The following RNF144A variants were observed in gnomAD, a reference collection of about 807,000 sequenced individuals.
The protein encoded by RNF144A is ring finger protein 144A, also known as E3 ubiquitin-protein ligase RNF144A.
A neutral mutation model predicts 38.7 loss-of-function variants in RNF144A; 11 were observed. The observed-to-expected ratio is 0.28, with a 90% CI of 0.18 to 0.47. The LOEUF (loss-of-function observed/expected upper bound fraction) is 0.47, where lower values mean the gene tolerates loss of function less well. Ranked by LOEUF, RNF144A falls within the 20% of genes least tolerant of loss-of-function variation. The pLI, the probability that RNF144A is intolerant of heterozygous loss-of-function variation, is 0.99. For missense variants in RNF144A, 316 were observed against 377.2 expected (o/e 0.84, Z 1.34); for synonymous variants, 149 against 143.9 (o/e 1.04, Z -0.25).
intron 2 of RNF144A, among the ~76,000 whole-genome samples, chr2:6,996,082 G>T (rs1669718689): frequency 6.6e-6 from 1 of 152,136 alleles, no homozygotes; most frequent in Non-Finnish European, 1.5e-5. Flanking sequence ...CCTCCATGTG[G>T]TCCTTGTGCC....
intron 8 of RNF144A, among the ~76,000 whole-genome samples, chr2:7,037,832 GA>G (rs1275098094): frequency 6.6e-6 from 1 of 152,188 alleles, no homozygotes; most frequent in Non-Finnish European, 1.5e-5. Flanking sequence ...TTATAGATGA[GA>G]AAACAGACCC....
chr2:6,974,118 G>T (rs547954233), intron 2 of RNF144A, among the ~76,000 whole-genome samples: 1 of 152,244 alleles, frequency 6.6e-6, no homozygotes, highest in South Asian at 2.1e-4. Flanking sequence ...CACCTAGTTC[G>T]CAGCCTGTAA....
chr2:7,014,361 A>G, intron 3 of RNF144A, 93 bp from the exon 4 acceptor site: 1 of 844,986 alleles, frequency 1.2e-6, no homozygotes, highest in Non-Finnish European at 2.0e-6. Context: ...CTGTAATGGA[A>G]TGATGTGCCT....
At chr2:6,947,258 A>G (rs912812423) in intron 2 of RNF144A, among the ~76,000 whole-genome samples, 2 of 152,054 alleles carry the variant, frequency 1.3e-5, no homozygotes, top group Non-Finnish European at 1.5e-5. Context: ...ACATTAATTT[A>G]TATTTATCTT....
rs138893940 is a variant in RNF144A at position 6,959,012 on chromosome 2, A to C, written c.-12+17865A>C. On this transcript the variant is annotated intron_variant, in intron 2 of 8. Transcript: ENST00000320892. The stretch of plus-strand genomic sequence containing the variant: ...CTCTCCGGGGCTTGCTCCCCTGATC[A>C]CTCTCTTACTGCCCTCAGAGCACAG... 2.7e-3 allele frequency among the ~76,000 whole-genome samples: 416 copies of C among 152,070 alleles called. 1 individual carries two copies. The highest frequency in any genetic ancestry group is 4.4e-3 in the Non-Finnish European group (302 of 67,964).
At chr2:6,990,285 C>T (rs1669246148) in intron 2 of RNF144A, among the ~76,000 whole-genome samples, 1 of 151,776 alleles carries the variant, frequency 6.6e-6, no homozygotes, top group South Asian at 2.1e-4. Flanking sequence ...CTCTCTCGTC[C>T]TCTTCTTGTA....
At chr2:7,074,972 A>T in the RNF144A span, among the ~76,000 whole-genome samples, 2 of 152,126 alleles carry the variant, frequency 1.3e-5, no homozygotes, top group African/African-American at 4.8e-5. Flanking sequence ...TAAGTGTAAG[A>T]ATTATTAGTA....
At chr2:7,044,183 C>T (rs542726994), downstream of RNF144A, 6 of 985,492 alleles carry the variant, frequency 6.1e-6, no homozygotes, top group East Asian at 1.1e-4. Flanking sequence ...TTGTAAACCC[C>T]GCGTGGCTCC....
chr2:7,043,215 A>G lies in RNF144A; in HGVS notation c.*3455A>G. The stretch of plus-strand genomic sequence containing the variant: ...TGATCTTGACAACATATTATTCCAT[A>G]AAACCAGTTTAGGGCACAGGCCAGT... On this transcript the variant is annotated 3_prime_UTR_variant, in exon 9 of 9. Transcript: ENST00000320892. 1 of 985,418 alleles carries G rather than the reference A, an allele frequency of 1.0e-6. No individual in the cohort carries two copies. The highest frequency in any genetic ancestry group is 1.1e-4 in the East Asian group (1 of 8,818). 61.0% of individuals were successfully genotyped at this position (985,418 alleles called of 1,614,324 possible).
At chr2:7,038,629 AAAG>A (rs1672833467) in intron 8 of RNF144A, among the ~76,000 whole-genome samples, 1 of 152,156 alleles carries the variant, frequency 6.6e-6, no homozygotes, top group Non-Finnish European at 1.5e-5. Context: ...AAGAGGTGGA[AAAG>A]AAGAATGAGG....
At position 7,034,286 on chromosome 2, in the gene RNF144A, A is replaced by G. The variant is rs560895378; in HGVS notation, c.747+4071A>G. On this transcript the variant is annotated intron_variant, in intron 8 of 8. Coordinates refer to ENST00000320892, the MANE Select transcript of RNF144A (RefSeq NM_014746.6). Reference sequence around the variant, plus strand: ...GACTCTGTCTCAAAAAAAAAAAAAAAGTTCACAAAAGTGCGGTGAGACTTG... The same window carrying G: ...GACTCTGTCTCAAAAAAAAAAAAAAGGTTCACAAAAGTGCGGTGAGACTTG... Among the ~76,000 whole-genome samples, 326 of 151,560 alleles carry G rather than the reference A, an allele frequency of 2.2e-3. 1 individual carries two copies. The highest frequency in any genetic ancestry group is 3.9e-3 in the Non-Finnish European group (267 of 67,900).
In RNF144A at chr2:6,942,712, G is replaced by T. The variant is rs183213361; in HGVS notation, c.-12+1565G>T. On this transcript the variant is annotated intron_variant, in intron 2 of 8. Coordinates refer to ENST00000320892, the MANE Select transcript of RNF144A (RefSeq NM_014746.6). ...AAAAAGGGATTCAGAGGCCGGGTGC[G>T]GTGGCTCACGCCTGTAATCCCAGCA... Among the ~76,000 whole-genome samples, 34 of 152,262 alleles carry T rather than the reference G, an allele frequency of 2.2e-4. No homozygotes were observed. The South Asian group carries it at 6.8e-3, about 31-fold the overall frequency.
chr2:6,991,836 A>G (rs1437171754), intron 2 of RNF144A, among the ~76,000 whole-genome samples: 1 of 152,152 alleles, frequency 6.6e-6, no homozygotes, highest in Admixed American at 6.5e-5. Context: ...ATATATATGT[A>G]TATATAATTG....
intron 6 of RNF144A, among the ~76,000 whole-genome samples, chr2:7,066,114 G>T (rs1674205251): frequency 6.6e-6 from 1 of 150,750 alleles, no homozygotes; most frequent in African/African-American, 2.4e-5. Context: ...TTGAGACGGA[G>T]TCTCACTCTG....
chr2:7,066,720 T>G (rs309267), intron 6 of RNF144A, among the ~76,000 whole-genome samples: 86,457 of 151,886 alleles, frequency 0.57, 25,232 homozygotes, highest in South Asian at 0.89. Flanking sequence ...TATCGCCATG[T>G]TGTGTTGCAT....
downstream of RNF144A, among the ~76,000 whole-genome samples, chr2:7,072,209 G>A (rs565701460): frequency 2.0e-5 from 3 of 152,366 alleles, no homozygotes; most frequent in Middle Eastern, 3.4e-3. Flanking sequence ...CTTGAGCAGA[G>A]TGTTGGTAGA....
At chr2:6,947,946 A>G (rs1472862615) in intron 2 of RNF144A, among the ~76,000 whole-genome samples, 2 of 152,244 alleles carry the variant, frequency 1.3e-5, no homozygotes, top group Admixed American at 6.5e-5. Flanking sequence ...CGTGTGATCA[A>G]CATTCAGATG....
chr2:7,006,774 G>A (rs1406600216), intron 3 of RNF144A, among the ~76,000 whole-genome samples: 1 of 152,100 alleles, frequency 6.6e-6, no homozygotes, highest in Non-Finnish European at 1.5e-5. Context: ...GTCTATTTAA[G>A]TGGGGCTCCT....
rs185336916 is a variant in RNF144A, at chr2:6,943,023, C to T, written c.-12+1876C>T. On this transcript the variant is annotated intron_variant, in intron 2 of 8. Transcript: ENST00000320892. This position sits in a 1 kb window ranked among gnomAD's most constrained non-coding sequence, Gnocchi z 4.3. ...GATTCAAAGTTCAGTTTTGAACTTG[C>T]TGAGTGTGAGAAGATTATAAGCCAC... Among the ~76,000 whole-genome samples the T allele has an allele frequency of 7.9e-5, 12 of 152,266 alleles. No individual in the cohort carries two copies. Among genetic ancestry groups the T allele is most frequent in the Admixed American group, 5.2e-4 (8 of 15,294 alleles).
Sources: gnomAD v4.1 joint callset for allele counts (sites outside exome capture counted in the v4.1 genomes callset) on GRCh38, gnomAD v4.1.1 for gene constraint, Gnocchi (gnomAD v3.1) non-coding constraint, MANE v1.5 for transcripts, NCBI Gene and HGNC (gene_info 2026-07-23, HGNC 2026-07-21) for gene names.